PPP1R12B: variants seen among roughly 807,000 people sequenced by gnomAD.
PPP1R12B encodes myosin phosphatase target subunit 2.
In PPP1R12B, 76 loss-of-function variants were observed where a neutral mutation model predicts 126.1. The ratio of observed to expected loss-of-function variants is 0.60; its 90% CI spans 0.50 to 0.73. PPP1R12B has a LOEUF of 0.73. Among genes scored for constraint, PPP1R12B ranks in the 30% least tolerant of loss-of-function variants. PPP1R12B has a pLI of 0.00. For missense variants in PPP1R12B, 1,052 were observed against 1,205.1 expected, an observed-to-expected ratio of 0.87 and a Z score of 1.88; for synonymous variants, 356 against 434.7, an observed-to-expected ratio of 0.82 and a Z score of 2.25.
chr1:202,459,136 G>A (rs1673998508), intron 13 of PPP1R12B, among the ~76,000 whole-genome samples: 1 of 152,160 alleles, frequency 6.6e-6, no homozygotes. Flanking sequence ...CTACAGATAT[G>A]TTGCTAAATG....
chr1:202,428,442 C>T (rs1669825622), intron 5 of PPP1R12B: 1 of 165,168 alleles, frequency 6.1e-6, no homozygotes, highest in Admixed American at 6.5e-5. Context: ...CCTCCCCTCA[C>T]TTAAAGGAAG....
intron 1 of PPP1R12B, among the ~76,000 whole-genome samples, chr1:202,357,936 G>A (rs1488738643): frequency 1.3e-5 from 2 of 152,134 alleles, no homozygotes; most frequent in African/African-American, 2.4e-5. Context: ...TAGGAAATTG[G>A]CTACATAACC....
intron 18 of PPP1R12B, among the ~76,000 whole-genome samples, chr1:202,512,225 A>T (rs1270587262): frequency 6.6e-6 from 1 of 152,230 alleles, no homozygotes; most frequent in African/African-American, 2.4e-5. Flanking sequence ...TGAAAGTGAG[A>T]TCATGCCGAT....
intron 13 of PPP1R12B, among the ~76,000 whole-genome samples, chr1:202,455,870 C>T (rs967564160): frequency 2.0e-5 from 3 of 152,104 alleles, no homozygotes; most frequent in Non-Finnish European, 4.4e-5. Flanking sequence ...GAAAAATACA[C>T]AAGAATGGGT....
intron 18 of PPP1R12B, among the ~76,000 whole-genome samples, chr1:202,511,829 T>C (rs1020790457): frequency 7.0e-5 from 10 of 142,946 alleles, no homozygotes; most frequent in African/African-American, 2.6e-4. Flanking sequence ...CAGGCTGGAG[T>C]GCAATGACAT....
chr1:202,438,361 G>C, intron 10 of PPP1R12B: 1 of 879,978 alleles, frequency 1.1e-6, no homozygotes, highest in Non-Finnish European at 1.7e-6. Flanking sequence ...TAGGGGTCCT[G>C]GATCCAGAGG....
At chr1:202,568,854 A>G (rs1270253459) in intron 22 of PPP1R12B, among the ~76,000 whole-genome samples, 2 of 152,218 alleles carry the variant, frequency 1.3e-5, no homozygotes, top group Admixed American at 6.5e-5. Context: ...GAAATCTTCA[A>G]CCTGCACAGA....
At chr1:202,496,710 A>G in intron 17 of PPP1R12B, 71 bp from the exon 18 acceptor site, 1 of 1,399,810 alleles carries the variant, frequency 7.1e-7, no homozygotes, top group Non-Finnish European at 1.0e-6. Context: ...AATTGATGGG[A>G]TCTGACCTTG....
chr1:202,570,955 A>G (rs777981516), intron 23 of PPP1R12B, among the ~76,000 whole-genome samples: 1 of 152,182 alleles, frequency 6.6e-6, no homozygotes, highest in East Asian at 1.9e-4. Context: ...TTATTAAGAA[A>G]TGTCCTAAAT....
chr1:202,348,797 C>A lies in PPP1R12B; in HGVS notation c.-55C>A, dbSNP rs535306570. ...AGAGAGGCGGCAGCGGCAACTCGAGCCCCAACAGTAATTTAGTGTTGGTAG... is the reference window on the plus strand; with the variant it reads ...AGAGAGGCGGCAGCGGCAACTCGAGACCCAACAGTAATTTAGTGTTGGTAG... On this transcript the variant is annotated 5_prime_UTR_variant, in exon 1 of 24. Coordinates refer to ENST00000608999, the MANE Select transcript of PPP1R12B (RefSeq NM_002481.4). The A allele has an allele frequency of 4.3e-5, 67 of 1,545,966 alleles. No homozygotes were observed. In the South Asian group the frequency reaches 7.8e-4, roughly 18 times the overall value.
intron 18 of PPP1R12B, chr1:202,539,928 A>T (rs991248978): frequency 4.1e-5 from 30 of 738,596 alleles, no homozygotes; most frequent in Admixed American, 8.1e-5. Context: ...AATTGAAAAT[A>T]TTGATGGAAC....
intron 13 of PPP1R12B, chr1:202,462,619 A>T (rs1674459470): frequency 4.7e-6 from 1 of 211,724 alleles, no homozygotes; most frequent in African/African-American, 2.4e-5. Context: ...TCTCCTTCTG[A>T]TAAAGTGGTT....
At chr1:202,501,829 C>T (rs1680256333) in intron 18 of PPP1R12B, 4 of 981,432 alleles carry the variant, frequency 4.1e-6, no homozygotes, top group African/African-American at 1.8e-5. Context: ...TTTTCTATTC[C>T]TTATTCATCC....
intron 1 of PPP1R12B, among the ~76,000 whole-genome samples, chr1:202,401,970 G>C (rs1665908868): frequency 6.6e-6 from 1 of 152,182 alleles, no homozygotes; most frequent in Non-Finnish European, 1.5e-5. Context: ...TTTCTGTCTT[G>C]GCAAGCTTCA....
Position 202,430,757 on chromosome 1 carries a change from T to A in PPP1R12B, c.948T>A (p.Asn316Lys), listed in dbSNP as rs2148660720. Residue 316 changes from asparagine to lysine, a missense_variant, in exon 7 of 24, where the codon AAT (asparagine) becomes AAA (lysine). Transcript: ENST00000608999. ...TTCGAAGTGAAAAGGAGACACGGAA[T>A]AAACTCATTGAGTCAGATCTGAACA... The part of the protein sequence containing the change: ...NVLRSEKETR[N>K]KLIESDLNSK... The A allele has an allele frequency of 6.2e-7, 1 of 1,613,530 alleles. No homozygotes were observed. Among genetic ancestry groups the A allele is most frequent in the East Asian group, 2.2e-5 (1 of 44,848 alleles).
At chr1:202,409,415 G>T (rs527713850) in intron 1 of PPP1R12B, among the ~76,000 whole-genome samples, 1 of 150,706 alleles carries the variant, frequency 6.6e-6, no homozygotes, top group Non-Finnish European at 1.5e-5. Flanking sequence ...TCCACCTCCT[G>T]GGTTCAAGCA....
chr1:202,493,693 A>C (rs922365341), intron 15 of PPP1R12B, among the ~76,000 whole-genome samples: 1 of 152,240 alleles, frequency 6.6e-6, no homozygotes, highest in Non-Finnish European at 1.5e-5. Context: ...TTTAATCCTC[A>C]TAACAACTCT....
intron 1 of PPP1R12B, among the ~76,000 whole-genome samples, chr1:202,411,009 C>A (rs1371540342): frequency 6.6e-6 from 1 of 152,110 alleles, no homozygotes; most frequent in East Asian, 1.9e-4. Flanking sequence ...AGACCTATCT[C>A]TCTGGAAGGT....
At position 202,489,080 on chromosome 1, in the gene PPP1R12B, G is replaced by T. The variant is rs958840663; in HGVS notation, c.1941+457G>T. ...GCAAAACACACACATGAAAATGACT[G>T]CCCTATTCCAGCCAGTCTTAAAAGC... On this transcript the variant is annotated intron_variant, in intron 14 of 23. Coordinates refer to ENST00000608999, the MANE Select transcript of PPP1R12B (RefSeq NM_002481.4). Among the ~76,000 whole-genome samples, 5 of 152,240 alleles carry T rather than the reference G, an allele frequency of 3.3e-5. No homozygotes were observed. In the East Asian group the frequency reaches 5.8e-4, roughly 18 times the overall value.
Sources: allele counts gnomAD v4.1 joint callset (sites outside exome capture counted in the v4.1 genomes callset), GRCh38; gene constraint gnomAD v4.1.1; transcripts MANE v1.5; gene names NCBI Gene and HGNC (gene_info 2026-07-23, HGNC 2026-07-21).